The following WDR86 variants were observed in gnomAD, a reference collection of about 807,000 sequenced individuals.
WDR86 encodes the protein WD repeat-containing protein 86.
WDR86 carries 30 observed loss-of-function variants against 36.5 expected under a neutral mutation model. The ratio of observed to expected loss-of-function variants is 0.82; its 90% confidence interval spans 0.61 to 1.11. The LOEUF (loss-of-function observed/expected upper bound fraction) is 1.11. WDR86 is among the 50% of genes most tolerant of loss of function. WDR86 has a pLI of 0.00. For missense variants in WDR86, 545 were observed against 561.2 expected (o/e 0.97, Z 0.29); for synonymous variants, 255 against 252.9 (o/e 1.01, Z -0.08).
the WDR86 span, among the ~76,000 whole-genome samples, chr7:151,370,421 A>G: frequency 2.0e-5 from 3 of 152,184 alleles, no homozygotes; most frequent in African/African-American, 7.2e-5. Flanking sequence ...TGAGTTTTAC[A>G]TGGTCTAATT....
chr7:151,377,242 G>A (rs907834607), downstream of WDR86: 6 of 1,482,080 alleles, frequency 4.0e-6, no homozygotes, highest in African/African-American at 5.6e-5. Context: ...AACAGAAATA[G>A]CGCTAATTTT....
chr7:151,386,568 G>A (rs938691748), intron 3 of WDR86, among the ~76,000 whole-genome samples: 3 of 152,200 alleles, frequency 2.0e-5, no homozygotes, highest in African/African-American at 7.2e-5. Flanking sequence ...CTACCTGCCC[G>A]TGTCAGCTTT....
At chr7:151,408,719 A>G in intron 1 of WDR86, 1 of 359,100 alleles carries the variant, frequency 2.8e-6, no homozygotes, top group South Asian at 2.1e-5. Context: ...AAGGGACCTC[A>G]CAGTGCATGG....
exon 2 of WDR86, chr7:151,376,009 G>A: frequency 1.0e-6 from 1 of 989,058 alleles, no homozygotes; most frequent in Non-Finnish European, 1.6e-6. Flanking sequence ...GGGTAACCCG[G>A]GTGAATCAGG....
exon 2 of WDR86, chr7:151,375,980 C>T: frequency 7.1e-7 from 1 of 1,403,138 alleles, no homozygotes; most frequent in South Asian, 1.2e-5. Flanking sequence ...GCTTGGACAG[C>T]CTCGGGTGGG....
chr7:151,375,734 C>T (rs1798185457), downstream of WDR86: 5 of 702,042 alleles, frequency 7.1e-6, no homozygotes, highest in Admixed American at 1.9e-5. Context: ...CCTTTCTCTG[C>T]CTCATAGCAG....
chr7:151,400,585 G>A (rs2150842050), intron 1 of WDR86, among the ~76,000 whole-genome samples: 1 of 152,304 alleles, frequency 6.6e-6, no homozygotes, highest in Non-Finnish European at 1.5e-5. Flanking sequence ...GTTTCGCCAT[G>A]TTAGTCAGGC....
intron 2 of WDR86, among the ~76,000 whole-genome samples, chr7:151,396,563 C>T (rs141916521): frequency 4.6e-5 from 7 of 152,318 alleles, no homozygotes; most frequent in African/African-American, 7.2e-5. Flanking sequence ...TAGGGGAGCA[C>T]GGCCCTCTCA....
At chr7:151,385,500 C>T (rs1413492731) in intron 3 of WDR86, among the ~76,000 whole-genome samples, 1 of 152,226 alleles carries the variant, frequency 6.6e-6, no homozygotes, top group Admixed American at 6.5e-5. Context: ...CCCTCAGCTG[C>T]TTCCCCTGAG....
intron 4 of WDR86, 132 bp downstream of exon 4, chr7:151,384,956 A>C: frequency 9.8e-7 from 1 of 1,020,414 alleles, no homozygotes; most frequent in Non-Finnish European, 1.4e-6. Context: ...GTGGAGAAGG[A>C]ACGAGCACTG....
At chr7:151,370,812 C>G in the WDR86 span, among the ~76,000 whole-genome samples, 91 of 150,922 alleles carry the variant, frequency 6.0e-4, no homozygotes, top group Non-Finnish European at 7.2e-4. Context: ...TTTGTTCTTG[C>G]GATAGTTTAC....
At chr7:151,374,443 G>C (rs1447974931), downstream of WDR86, 1 of 686,252 alleles carries the variant, frequency 1.5e-6, no homozygotes, top group African/African-American at 1.8e-5. Context: ...CTCAGTGCTT[G>C]GCCCAGGCCT....
At chr7:151,400,373 C>T (rs1800196157) in intron 1 of WDR86, 132 bp from the exon 2 acceptor site, 4 of 1,033,446 alleles carry the variant, frequency 3.9e-6, no homozygotes, top group Non-Finnish European at 5.3e-6. Flanking sequence ...AGTCAATTAG[C>T]ATTAGTTTTG....
intron 3 of WDR86, among the ~76,000 whole-genome samples, chr7:151,389,714 G>A (rs1012370857): frequency 1.3e-5 from 2 of 152,166 alleles, no homozygotes; most frequent in Non-Finnish European, 2.9e-5. Flanking sequence ...CACCCACCAG[G>A]CCTGTACGCA....
intron 1 of WDR86, 30 bp from the exon 2 acceptor site, chr7:151,400,271 C>A (rs751895979): frequency 3.9e-6 from 6 of 1,533,600 alleles, no homozygotes; most frequent in Non-Finnish European, 4.4e-6. Flanking sequence ...GAGATGTGAG[C>A]GTACTGGGGA....
downstream of WDR86, chr7:151,377,212 C>G (rs1467871848): frequency 1.3e-6 from 2 of 1,533,432 alleles, no homozygotes; most frequent in Non-Finnish European, 1.8e-6. Flanking sequence ...AAGTCAGCAA[C>G]AAAGAAAAAC....
chr7:151,379,635 G>T (rs1798463079), downstream of WDR86, among the ~76,000 whole-genome samples: 1 of 152,170 alleles, frequency 6.6e-6, no homozygotes, highest in South Asian at 2.1e-4. Context: ...ATCTCGCAAA[G>T]CTCTCTGTGC....
Position 151,381,964 on chromosome 7 carries a change from C to G in WDR86, c.880G>C (p.Asp294His). The change falls in exon 5 of 6, where the codon GAC becomes CAC. Residue 294 changes from aspartate (D) to histidine (H), a missense_variant. Physicochemically the swap from Asp to His is moderately conservative, Grantham distance 81. Transcript: ENST00000334493. This position sits in a 1 kb window ranked among gnomAD's most constrained non-coding sequence, Gnocchi z 4.8. ...GCGTCGAAGGCCCGGGCGCAAGCGT[C>G]CCCGCTGCCCGTGAACACTGCGGAC... ...HAGTLFTGSG[D>H]ACARAFDAQS... The G allele has an allele frequency of 6.2e-7, 1 of 1,604,448 alleles. No individual in the cohort carries two copies. The highest frequency in any genetic ancestry group is 8.5e-7 in the Non-Finnish European group (1 of 1,176,386).
chr7:151,385,321 G>A (rs1215430432), intron 3 of WDR86, 98 bp from the exon 4 acceptor site: 2 of 1,549,320 alleles, frequency 1.3e-6, no homozygotes, highest in South Asian at 1.2e-5. Context: ...GCAGGTCTCA[G>A]TGGTGAAACC....
Sources: allele counts gnomAD v4.1 joint callset (sites outside exome capture counted in the v4.1 genomes callset), GRCh38; gene constraint gnomAD v4.1.1; non-coding constraint Gnocchi (gnomAD v3.1); transcripts MANE v1.5; gene names NCBI Gene and HGNC (gene_info 2026-07-23, HGNC 2026-07-21).